BPIFC: variants seen among roughly 807,000 people sequenced by gnomAD.
BPIFC encodes the protein BPI fold-containing family C protein.
In BPIFC, 60 loss-of-function variants were observed where a neutral mutation model predicts 57.6. That is an observed-to-expected ratio of 1.04 (90% CI 0.85 to 1.29). The LOEUF (loss-of-function observed/expected upper bound fraction) is 1.29, where lower values mean the gene tolerates loss of function less well. BPIFC is among the 50% of genes most tolerant of loss of function. The pLI is 0.00. For missense variants in BPIFC, 581 were observed against 600.5 expected (o/e 0.97, Z 0.34); for synonymous variants, 243 against 224.5 (o/e 1.08, Z -0.74).
intron 13 of BPIFC, 135 bp downstream of exon 13, chr22:32,431,212 C>A: frequency 1.5e-6 from 1 of 650,070 alleles, no homozygotes; most frequent in Non-Finnish European, 2.5e-6. Context: ...CTCCCGGGTT[C>A]AAGCGATTCT....
chr22:32,431,278 C>T (rs1418432825), intron 13 of BPIFC, 69 bp downstream of exon 13: 34 of 1,324,222 alleles, frequency 2.6e-5, no homozygotes, highest in Non-Finnish European at 3.6e-5. Flanking sequence ...TCTTAATGGT[C>T]ACTTTGTCTC....
intron 13 of BPIFC, among the ~76,000 whole-genome samples, chr22:32,424,630 CTTCTTCTTCTT>C (rs1459721369): frequency 0.03 from 1,803 of 59,548 alleles, 518 homozygotes; most frequent in African/African-American, 0.18. Flanking sequence ...TCCTCCTCCT[CTTCTTCTTCTT>C]CTCTTCTTCT....
chr22:32,445,888 G>C lies in BPIFC; in HGVS notation c.483C>G (p.Cys161Trp). The change falls in exon 6 of 17, where the codon TGC becomes TGG. Residue 161 changes from cysteine to tryptophan, a missense_variant. Coordinates refer to ENST00000300399, the MANE Select transcript of BPIFC (RefSeq NM_174932.3). Reference sequence around the variant, plus strand: ...CGTGGGCATGGCTCAGTTGGGCGTAGCAATCTTGGAGCTTCAGGGTAGGAT... The same window carrying C: ...CGTGGGCATGGCTCAGTTGGGCGTACCAATCTTGGAGCTTCAGGGTAGGAT... The part of the protein sequence containing the change: ...FGHPTLKLQD[C>W]YAQLSHAHVS... 6.2e-7 allele frequency: 1 copy of C among 1,614,144 alleles called. No homozygotes were observed. The highest frequency in any genetic ancestry group is 8.5e-7 in the Non-Finnish European group (1 of 1,180,030).
intron 2 of BPIFC, among the ~76,000 whole-genome samples, chr22:32,461,266 G>A (rs1357891229): frequency 6.6e-6 from 1 of 152,220 alleles, no homozygotes; most frequent in South Asian, 2.1e-4. Context: ...GCCCTAAAGA[G>A]CTGGTTTGGG....
chr22:32,464,271 G>A (rs756623903), intron 1 of BPIFC, 103 bp downstream of exon 1: 26 of 380,680 alleles, frequency 6.8e-5, no homozygotes, highest in Non-Finnish European at 9.4e-5. Context: ...AATAACCCAG[G>A]ATATATGACA....
At position 32,445,914 on chromosome 22, in the gene BPIFC, G is replaced by A. The variant is rs1934715894; in HGVS notation, c.457C>T (p.His153Tyr). The A allele has an allele frequency of 6.2e-7, 1 of 1,613,984 alleles. No individual in the cohort carries two copies. Among genetic ancestry groups the A allele is most frequent in the African/African-American group, 1.3e-5 (1 of 74,918 alleles). Residue 153 changes from histidine (H) to tyrosine (Y), a missense_variant, in exon 6 of 17, where the codon CAT (histidine) becomes TAT (tyrosine). Physicochemically the swap from His to Tyr is moderately conservative, Grantham distance 83. Transcript: ENST00000300399. ...CAATCTTGGAGCTTCAGGGTAGGAT[G>A]ACCAAAGTCATTTCGGGTTAGGATA... ...IIILTRNDFG[H>Y]PTLKLQDCYA...
chr22:32,442,911 T>C (rs941371167), intron 7 of BPIFC, among the ~76,000 whole-genome samples, 180 bp from the exon 8 acceptor site: 1 of 152,170 alleles, frequency 6.6e-6, no homozygotes, highest in Non-Finnish European at 1.5e-5. Flanking sequence ...TAGATACGGG[T>C]GGTATGTCAC....
At position 32,416,005 on chromosome 22, in the gene BPIFC, C is replaced by T; in HGVS notation, c.1325-14G>A. On this transcript the variant is annotated splice_polypyrimidine_tract_variant and intron_variant, in intron 15 of 16. Coordinates refer to ENST00000300399, the MANE Select transcript of BPIFC (RefSeq NM_174932.3). ...GCTGCAATTTTGCTAAAATATAGAACAAGACGTAAAACAATTGGGCACAAG... is the reference window on the plus strand; with the variant it reads ...GCTGCAATTTTGCTAAAATATAGAATAAGACGTAAAACAATTGGGCACAAG... 1 of 1,542,820 alleles carries T rather than the reference C, an allele frequency of 6.5e-7. No individual in the cohort carries two copies.
At chr22:32,461,529 G>A in intron 2 of BPIFC, 45 bp downstream of exon 2, 1 of 950,812 alleles carries the variant, frequency 1.1e-6, no homozygotes, top group Non-Finnish European at 1.3e-6. Context: ...CTGAGAGGCA[G>A]AGTGACAGTA....
intron 7 of BPIFC, among the ~76,000 whole-genome samples, chr22:32,443,389 T>C (rs1019828942): frequency 6.6e-6 from 1 of 152,164 alleles, no homozygotes; most frequent in Non-Finnish European, 1.5e-5. Flanking sequence ...GGTCTCGATC[T>C]CCTGACCTCG....
At chr22:32,429,625 T>C (rs1336189092) in intron 13 of BPIFC, among the ~76,000 whole-genome samples, 2 of 149,456 alleles carry the variant, frequency 1.3e-5, no homozygotes, top group Non-Finnish European at 3.0e-5. Context: ...CAAGCAATTC[T>C]TCTGTCTCAG....
chr22:32,424,729 C>CT (rs1933996020), intron 13 of BPIFC, among the ~76,000 whole-genome samples: 1 of 48,230 alleles, frequency 2.1e-5, no homozygotes, highest in African/African-American at 1.7e-4. Flanking sequence ...CTTCTTCTTC[C>CT]TCTTCTTCTT....
At chr22:32,445,726 A>AC in intron 6 of BPIFC, 28 bp from the exon 7 acceptor site, 1 of 1,529,950 alleles carries the variant, frequency 6.5e-7, no homozygotes, top group Non-Finnish European at 8.8e-7. Context: ...AAAAAAAAAA[A>AC]AAAAAAAAAG....
At chr22:32,438,973 T>A (rs1458297167) in intron 8 of BPIFC, among the ~76,000 whole-genome samples, 1 of 152,150 alleles carries the variant, frequency 6.6e-6, no homozygotes, top group Non-Finnish European at 1.5e-5. Context: ...TGTATTATCA[T>A]TTTCAGAATA....
Position 32,453,132 on chromosome 22 carries a change from T to C in BPIFC, c.245+251A>G, listed in dbSNP as rs559540372. Among the ~76,000 whole-genome samples the C allele has an allele frequency of 3.3e-5, 5 of 152,326 alleles. No homozygotes were observed. In the South Asian group the frequency reaches 1.0e-3, roughly 32 times the overall value. On this transcript the variant is annotated intron_variant, in intron 4 of 16. Coordinates refer to ENST00000300399, the MANE Select transcript of BPIFC (RefSeq NM_174932.3). ...CATTAAAAAAGAAGACTGACTCAGC[T>C]TTTAAGAACGCCTTTACCCTCGTCT...
In BPIFC at chr22:32,437,844, G is replaced by C. The variant is rs763680737; in HGVS notation, c.663C>G (p.Thr221=). The change falls in exon 9 of 17, where the codon ACC becomes ACG. Residue 221 remains threonine, a synonymous_variant. Transcript: ENST00000300399. The part of the protein sequence containing the change: ...NANLSTLEVL[T]KIDNYTLLDY... ...CCAGCAGAGTGTAGTTGTCAATCTT[G>C]GTTAAAACTAAATAACCAACAAAGA... 3 of 1,604,830 alleles carry C rather than the reference G, an allele frequency of 1.9e-6. No individual in the cohort carries two copies. The highest frequency in any genetic ancestry group is 2.6e-6 in the Non-Finnish European group (3 of 1,172,576).
intron 13 of BPIFC, among the ~76,000 whole-genome samples, chr22:32,423,123 C>T (rs1177268269): frequency 3.3e-5 from 5 of 152,074 alleles, no homozygotes; most frequent in Admixed American, 1.3e-4. Context: ...TAAGGTTGGC[C>T]GGCTTGAGAA....
chr22:32,431,439 A>ATTTATTTATTTTATTTTATT, intron 12 of BPIFC, 25 bp from the exon 13 acceptor site: 2 of 1,343,078 alleles, frequency 1.5e-6, no homozygotes, highest in Non-Finnish European at 2.1e-6. Context: ...AGCATTTATT[A>ATTTATTTATTTTATTTTATT]TTAAGACGAG....
At chr22:32,428,578 C>T (rs1171458417) in intron 13 of BPIFC, among the ~76,000 whole-genome samples, 1 of 151,820 alleles carries the variant, frequency 6.6e-6, no homozygotes, top group Non-Finnish European at 1.5e-5. Flanking sequence ...GGAAACCATA[C>T]TACTTTAAAC....
Sources: allele counts gnomAD v4.1 joint callset (sites outside exome capture counted in the v4.1 genomes callset), GRCh38; gene constraint gnomAD v4.1.1; transcripts MANE v1.5; gene names NCBI Gene and HGNC (gene_info 2026-07-23, HGNC 2026-07-21).